Variants in RTL1 observed in about 807,000 individuals in gnomAD.
RTL1 encodes retrotransposon-like protein 1.
For synonymous variants in RTL1, 727 were observed against 748.4 expected (o/e 0.97, Z 0.47); for missense variants, 1,681 against 1,767.5 (o/e 0.95, Z 0.88).
chr14:100,886,163 TA>T (rs1206375079), intron 3 of RTL1, among the ~76,000 whole-genome samples: 14 of 151,600 alleles, frequency 9.2e-5, no homozygotes, highest in African/African-American at 2.9e-4. Flanking sequence ...TTTATAAATT[TA>T]ACACCTTTTG....
Position 100,880,327 on chromosome 14 carries a change from G to T in RTL1, c.*385C>A, listed in dbSNP as rs2038588975. On this transcript the variant is annotated 3_prime_UTR_variant, in exon 4 of 4. Transcript: ENST00000649591. ...CAGGGTGGCCATCACCAGGCCGGGT[G>T]GGGGGCCCCGTCACCTGCTTGCTTG... 6.6e-6 allele frequency among the ~76,000 whole-genome samples: 1 copy of T among 152,052 alleles called. No homozygotes were observed. Among genetic ancestry groups the T allele is most frequent in the Non-Finnish European group, 1.5e-5 (1 of 67,984 alleles).
intron 2 of RTL1, among the ~76,000 whole-genome samples, chr14:100,897,181 CCT>C (rs2038869568): frequency 1.3e-5 from 2 of 152,270 alleles, no homozygotes; most frequent in South Asian, 2.1e-4. Context: ...AAATAAATCC[CCT>C]GTGTCTGCAG....
intron 2 of RTL1, among the ~76,000 whole-genome samples, chr14:100,898,273 G>A (rs1035502481): frequency 6.6e-6 from 1 of 152,114 alleles, no homozygotes; most frequent in East Asian, 1.9e-4. Context: ...TAATTAATAC[G>A]ATTCTGCTCA....
chr14:100,880,971 G>A lies in RTL1; in HGVS notation c.3818C>T (p.Ala1273Val), dbSNP rs980041751. 10 of 1,556,214 alleles carry A rather than the reference G, an allele frequency of 6.4e-6. No homozygotes were observed. Among genetic ancestry groups the A allele is most frequent in the Non-Finnish European group, 6.1e-6 (7 of 1,150,618 alleles). The change falls in exon 4 of 4, where the codon GCA (alanine) becomes GTA (valine). Residue 1273 changes from alanine (A) to valine (V), a missense_variant. Physicochemically the swap from Ala to Val is moderately conservative, Grantham distance 64. Coordinates refer to ENST00000649591, the MANE Select transcript of RTL1 (RefSeq NM_001134888.3). ...GCGTGGGCGGGGTGGGTGGGTGGCT[G>A]CTGTGTGGCTGGGTGGGGCCTCCTG... is the stretch of plus-strand genomic sequence containing the variant. ...DVQEAPPSHTAATHPPRPRHL... is the reference protein window; with the variant it reads ...DVQEAPPSHTVATHPPRPRHL...
At position 100,883,811 on chromosome 14, in the gene RTL1, C is replaced by A; in HGVS notation, c.978G>T (p.Leu326Phe). 2 of 1,551,710 alleles carry A rather than the reference C, an allele frequency of 1.3e-6. No homozygotes were observed. The highest frequency in any genetic ancestry group is 1.7e-6 in the Non-Finnish European group (2 of 1,146,996). Residue 326 changes from leucine to phenylalanine, a missense_variant, in exon 4 of 4, where the codon TTG becomes TTT. Physicochemically the swap from Leu to Phe is conservative, Grantham distance 22. Coordinates refer to ENST00000649591, the MANE Select transcript of RTL1 (RefSeq NM_001134888.3). The surrounding 1 kb of genome is among the most constrained non-coding windows in gnomAD (Gnocchi z 5.9). ...TGATCTCCTCGTTGAGCCCCTGGCACAAGTGGGCCTGCAGGACTTCATCTG... is the reference window on the plus strand; with the variant it reads ...TGATCTCCTCGTTGAGCCCCTGGCAAAAGTGGGCCTGCAGGACTTCATCTG... ...GWPDEVLQAH[L>F]CQGLNEEIRH...
In RTL1 at chr14:100,882,967, A is replaced by G. The variant is rs2038640702; in HGVS notation, c.1822T>C (p.Tyr608His). ...CAAGGCGCGGTGGAGGGACACTCGT[A>G]AAAGGTCTCGCTGTGATCACTGTCT... ...AGDSDHSETF[Y>H]ECPSTAPWEP... Residue 608 changes from tyrosine (Y) to histidine (H), a missense_variant, in exon 4 of 4, where the codon TAC becomes CAC. Physicochemically the swap from Tyr to His is moderately conservative, Grantham distance 83. Transcript: ENST00000649591. The G allele has an allele frequency of 2.5e-6, 4 of 1,613,906 alleles. No individual in the cohort carries two copies. Among genetic ancestry groups the G allele is most frequent in the Non-Finnish European group, 3.4e-6 (4 of 1,180,022 alleles).
At chr14:100,897,781 G>GGGGGGGGGGGGGGGGGGGT (rs2038887138) in intron 2 of RTL1, 2 of 174,686 alleles carry the variant, frequency 1.1e-5, no homozygotes, top group Admixed American at 6.1e-5. Context: ...TGGGGGGCGG[G>GGGGGGGGGGGGGGGGGGGT]GGGGGGCAGT....
In RTL1 at chr14:100,881,978, G is replaced by A; in HGVS notation, c.2811C>T (p.Tyr937=). 1 of 1,613,810 alleles carries A rather than the reference G, an allele frequency of 6.2e-7. No individual in the cohort carries two copies. Among genetic ancestry groups the A allele is most frequent in the South Asian group, 1.1e-5 (1 of 91,066 alleles). Residue 937 remains tyrosine, a synonymous_variant, in exon 4 of 4, where the codon TAC becomes TAT. Coordinates refer to ENST00000649591, the MANE Select transcript of RTL1 (RefSeq NM_001134888.3). The surrounding 1 kb of genome is among the most constrained non-coding windows in gnomAD (Gnocchi z 6.6). ...TGATGGGCTCCTCGGTGTTCTCCAG[G>A]TAGCGGCACCACACCATGAAGGCAG... ...IRAAFMVWCR[Y]LENTEEPIMI... is the part of the protein sequence containing the mutation.
chr14:100,892,780 A>G (rs1232845427), intron 3 of RTL1, among the ~76,000 whole-genome samples: 1 of 152,124 alleles, frequency 6.6e-6, no homozygotes, highest in African/African-American at 2.4e-5. Context: ...GAAAGGGACG[A>G]CTAGAATGTA....
At position 100,883,282 on chromosome 14, in the gene RTL1, C is replaced by T. The variant is rs78320542; in HGVS notation, c.1507G>A (p.Val503Ile). The change falls in exon 4 of 4, where the codon GTC (valine) becomes ATC (isoleucine). Residue 503 changes from valine to isoleucine, a missense_variant. Transcript: ENST00000649591. This position sits in a 1 kb window ranked among gnomAD's most constrained non-coding sequence, Gnocchi z 5.9. ...DIVPSPNFSV[V>I]LGIRWLRVHA... ...ACTCGGAGCCAGCGGATGCCTAGGA[C>T]CACAGAGAAGTTCGGTGAAGGTACG... is the stretch of plus-strand genomic sequence containing the variant. 4 of 1,551,198 alleles carry T rather than the reference C, an allele frequency of 2.6e-6. No individual in the cohort carries two copies. Among genetic ancestry groups the T allele is most frequent in the Non-Finnish European group, 3.5e-6 (4 of 1,146,756 alleles).
In RTL1 at chr14:100,880,979, G is replaced by A. The variant is rs1177835169; in HGVS notation, c.3810C>T (p.Ser1270=). Residue 1270 remains serine (S), a synonymous_variant, in exon 4 of 4, where the codon AGC becomes AGT. Coordinates refer to ENST00000649591, the MANE Select transcript of RTL1 (RefSeq NM_001134888.3). The part of the protein sequence containing the change: ...QDNDVQEAPP[S]HTAATHPPRP... ...GGGGTGGGTGGGTGGCTGCTGTGTG[G>A]CTGGGTGGGGCCTCCTGCACGTCGT... The A allele has an allele frequency of 6.4e-7, 1 of 1,559,168 alleles. No homozygotes were observed. Among genetic ancestry groups the A allele is most frequent in the Non-Finnish European group, 8.7e-7 (1 of 1,152,194 alleles).
At position 100,884,137 on chromosome 14, in the gene RTL1, C is replaced by T. The variant is rs1043799913; in HGVS notation, c.652G>A (p.Val218Ile). 1.5e-5 allele frequency: 24 copies of T among 1,551,578 alleles called. No individual in the cohort carries two copies. Among genetic ancestry groups the T allele is most frequent in the African/African-American group, 9.6e-5 (7 of 73,048 alleles). The change falls in exon 4 of 4, where the codon GTA (valine) becomes ATA (isoleucine). Residue 218 changes from valine to isoleucine, a missense_variant. Val to Ile is a conservative substitution (Grantham distance 29, BLOSUM62 3). Transcript: ENST00000649591. The part of the protein sequence containing the change: ...GDRREFHEFI[V>I]LCQLTLQSYP... ...CTCTGTAAGGTCAGTTGGCAGAGTA[C>T]GATGAACTCGTGGAATTCTCTGCGA...
At position 100,882,615 on chromosome 14, in the gene RTL1, C is replaced by T; in HGVS notation, c.2174G>A (p.Gly725Glu). 6.4e-7 allele frequency: 1 copy of T among 1,551,644 alleles called. No homozygotes were observed. The highest frequency in any genetic ancestry group is 1.2e-5 in the South Asian group (1 of 84,058). ...VIHFILKDML[G>E]FFVLSYGQEV... Reference sequence around the variant, plus strand: ...CTGGCCATAAGAAAGCACAAAGAACCCTAGCATGTCCTTTAGGATGAAGTG... The same window carrying T: ...CTGGCCATAAGAAAGCACAAAGAACTCTAGCATGTCCTTTAGGATGAAGTG... Residue 725 changes from glycine to glutamate, a missense_variant, in exon 4 of 4, where the codon GGG becomes GAG. Gly to Glu is a moderately conservative substitution (Grantham distance 98). Transcript: ENST00000649591.
chr14:100,900,374 C>T (rs775595829), intron 2 of RTL1, among the ~76,000 whole-genome samples: 2 of 152,222 alleles, frequency 1.3e-5, no homozygotes, highest in Non-Finnish European at 2.9e-5. Context: ...AAAAGGGAAC[C>T]TCCTCGGCCG....
At chr14:100,901,439 C>T (rs2038940511) in intron 2 of RTL1, among the ~76,000 whole-genome samples, 1 of 152,222 alleles carries the variant, frequency 6.6e-6, no homozygotes, top group Non-Finnish European at 1.5e-5. Flanking sequence ...GGAACTGAAC[C>T]CCTGTGAATG....
intron 2 of RTL1, among the ~76,000 whole-genome samples, chr14:100,896,336 T>TGA (rs2140054290): frequency 6.6e-6 from 1 of 152,122 alleles, no homozygotes; most frequent in Admixed American, 6.5e-5. Context: ...ATTAGCTTGG[T>TGA]GAGAGGGAAG....
Position 100,880,580 on chromosome 14 carries a change from G to A in RTL1, c.*132C>T. On this transcript the variant is annotated 3_prime_UTR_variant, in exon 4 of 4. Transcript: ENST00000649591. ...TTGAAGAAGTTGTTGCCCTTCACAA[G>A]TGGGTTCCTCTTGGGTCAGGAGTGG... The A allele has an allele frequency of 1.4e-6, 2 of 1,464,934 alleles. No homozygotes were observed. Among genetic ancestry groups the A allele is most frequent in the Non-Finnish European group, 9.0e-7 (1 of 1,108,520 alleles). The allele number at this position is 1,464,934 out of a possible 1,614,324, so 90.7% of individuals were successfully genotyped here.
chr14:100,892,986 G>T (rs957432088), intron 3 of RTL1, among the ~76,000 whole-genome samples: 4 of 152,082 alleles, frequency 2.6e-5, no homozygotes, highest in African/African-American at 9.7e-5. Flanking sequence ...TTAAAGCCAG[G>T]TTTCTCCTGG....
chr14:100,881,415 C>A lies in RTL1; in HGVS notation c.3374G>T (p.Arg1125Leu), dbSNP rs1220694200. 2 of 1,550,786 alleles carry A rather than the reference C, an allele frequency of 1.3e-6. No individual in the cohort carries two copies. The highest frequency in any genetic ancestry group is 1.2e-5 in the South Asian group (1 of 84,046). ...GATGAGGGACGAATCCAGGATGAGT[C>A]GTAGGGAGCGCTGGGGCTGGGGCCG... ...VARPQPQRSLRLILDSSLIAG... is the reference protein window; with the variant it reads ...VARPQPQRSLLLILDSSLIAG... The change falls in exon 4 of 4, where the codon CGA becomes CTA. Residue 1125 changes from arginine to leucine, a missense_variant. Physicochemically the swap from Arg to Leu is moderately radical, Grantham distance 102. Coordinates refer to ENST00000649591, the MANE Select transcript of RTL1 (RefSeq NM_001134888.3). This position sits in a 1 kb window ranked among gnomAD's most constrained non-coding sequence, Gnocchi z 6.6.
Sources: gnomAD v4.1 joint callset for allele counts (sites outside exome capture counted in the v4.1 genomes callset) on GRCh38, gnomAD v4.1.1 for gene constraint, Gnocchi (gnomAD v3.1) non-coding constraint, MANE v1.5 for transcripts, NCBI Gene and HGNC (gene_info 2026-07-23, HGNC 2026-07-21) for gene names.